The following CCNY variants were observed in gnomAD, a reference collection of about 807,000 sequenced individuals.
CCNY encodes the protein cyclin Y, also known as cyclin-Y.
CCNY carries 19 observed loss-of-function variants against 42.8 expected under a neutral mutation model. That is an observed-to-expected ratio of 0.44 (90% CI 0.31 to 0.65). The LOEUF (loss-of-function observed/expected upper bound fraction) is 0.65, where lower values mean the gene tolerates loss of function less well. Ranked by LOEUF, CCNY falls within the 30% of genes least tolerant of loss-of-function variation. The pLI, the probability that CCNY is intolerant of heterozygous loss-of-function variation, is 0.07. For missense variants in CCNY, 370 were observed against 437.3 expected (o/e 0.85, Z 1.37); for synonymous variants, 165 against 162.7 (o/e 1.01, Z -0.11).
At chr10:35,386,645 A>T (rs929295217) in intron 1 of CCNY, among the ~76,000 whole-genome samples, 1 of 152,204 alleles carries the variant, frequency 6.6e-6, no homozygotes, top group East Asian at 1.9e-4. Flanking sequence ...GTGTGAGCTC[A>T]TCTTGCAGTG....
chr10:35,411,802 C>T (rs1462958114), intron 1 of CCNY, among the ~76,000 whole-genome samples: 1 of 152,212 alleles, frequency 6.6e-6, no homozygotes, highest in Non-Finnish European at 1.5e-5. Context: ...GCAGTTCTAG[C>T]ACCACATTTG....
intron 1 of CCNY, among the ~76,000 whole-genome samples, chr10:35,386,927 C>G (rs1589081257): frequency 6.6e-6 from 1 of 151,956 alleles, no homozygotes; most frequent in African/African-American, 2.4e-5. Flanking sequence ...TGGCAGTGGC[C>G]CAAATGCAGT....
In CCNY at chr10:35,569,157, C is replaced by A; in HGVS notation, c.1013C>A (p.Ala338Asp). ...CTGACTCTGCCCCGGTGGTCCCCAG[C>A]CATCATCTCTTAACTACGGAGGCCC... ...DNLTLPRWSP[A>D]IIS The change falls in exon 10 of 10, where the codon GCC (alanine) becomes GAC (aspartate). Residue 338 changes from alanine (A) to aspartate (D), a missense_variant. By Grantham distance (126) the Ala-to-Asp change is moderately radical. Coordinates refer to ENST00000374704, the MANE Select transcript of CCNY (RefSeq NM_145012.6). 6.2e-7 allele frequency: 1 copy of A among 1,607,280 alleles called. No individual in the cohort carries two copies. Among genetic ancestry groups the A allele is most frequent in the Non-Finnish European group, 8.5e-7 (1 of 1,175,584 alleles).
intron 1 of CCNY, among the ~76,000 whole-genome samples, chr10:35,480,569 A>G (rs1038755868): frequency 6.6e-5 from 10 of 152,206 alleles, no homozygotes; most frequent in Non-Finnish European, 2.9e-5. Context: ...GGAGAGCTTC[A>G]GGGCATCTTC....
chr10:35,504,625 TTTG>T (rs376566765), intron 3 of CCNY, among the ~76,000 whole-genome samples: 26 of 151,990 alleles, frequency 1.7e-4, no homozygotes, highest in Middle Eastern at 3.4e-3. Flanking sequence ...TAGGAAGGTT[TTTG>T]TTGTTGTTGT....
Position 35,464,992 on chromosome 10 carries a change from C to T in CCNY, c.155-18412C>T, listed in dbSNP as rs184490835. 3.1e-3 allele frequency among the ~76,000 whole-genome samples: 477 copies of T among 152,226 alleles called. 17 individuals carry two copies. The highest frequency in any genetic ancestry group is 0.028 in the Admixed American group (421 of 15,294). On this transcript the variant is annotated intron_variant, in intron 1 of 9. Coordinates refer to ENST00000374704, the MANE Select transcript of CCNY (RefSeq NM_145012.6). ...TCAGCAATCCAAGTGGTATTTTTCC[C>T]GTTCCATTGATAGTGCTAATTCATG...
At chr10:35,479,900 A>C (rs1228089535) in intron 1 of CCNY, among the ~76,000 whole-genome samples, 1 of 152,070 alleles carries the variant, frequency 6.6e-6, no homozygotes, top group Non-Finnish European at 1.5e-5. Flanking sequence ...TTCATGGCTA[A>C]AATTGCAGTG....
chr10:35,392,043 CATT>C (rs1335793127), intron 1 of CCNY, among the ~76,000 whole-genome samples: 11 of 152,090 alleles, frequency 7.2e-5, no homozygotes, highest in Middle Eastern at 3.4e-3. Context: ...CATTTTATGT[CATT>C]ATAAAAGGAA....
At chr10:35,557,589 CTACTAAAAA>C (rs1841385019) in intron 8 of CCNY, among the ~76,000 whole-genome samples, 1 of 149,980 alleles carries the variant, frequency 6.7e-6, no homozygotes, top group Non-Finnish European at 1.5e-5. Flanking sequence ...AATGCCATCT[CTACTAAAAA>C]TACAAAAATT....
chr10:35,397,350 A>G (rs1178825431), intron 1 of CCNY, among the ~76,000 whole-genome samples: 2 of 152,230 alleles, frequency 1.3e-5, no homozygotes, highest in East Asian at 3.8e-4. Flanking sequence ...CCTAACCTTT[A>G]TAATTATTCA....
At chr10:35,289,367 C>G (rs1349639367) in intron 3 of CCNY, 1 of 152,136 alleles carries the variant, frequency 6.6e-6, no homozygotes, top group Non-Finnish European at 1.5e-5. Context: ...GTAAGCCTTT[C>G]TTTTTCTTCT....
At chr10:35,398,284 G>A (rs144526427) in intron 1 of CCNY, among the ~76,000 whole-genome samples, 34 of 152,354 alleles carry the variant, frequency 2.2e-4, no homozygotes, top group African/African-American at 7.9e-4. Context: ...GAGGACTGAT[G>A]CATTTTGCCA....
At chr10:35,414,171 G>A (rs1484789197) in intron 1 of CCNY, among the ~76,000 whole-genome samples, 1 of 152,234 alleles carries the variant, frequency 6.6e-6, no homozygotes, top group East Asian at 1.9e-4. Context: ...TGGGGCATGA[G>A]TCGGAGCATG....
intron 7 of CCNY, among the ~76,000 whole-genome samples, chr10:35,538,540 T>C (rs1011015586): frequency 2.0e-5 from 3 of 152,230 alleles, no homozygotes; most frequent in African/African-American, 7.2e-5. Flanking sequence ...GGTCATTGTT[T>C]TTATTTGCAT....
chr10:35,293,988 C>T (rs1835444222), intron 3 of CCNY, among the ~76,000 whole-genome samples: 1 of 152,060 alleles, frequency 6.6e-6, no homozygotes, highest in Non-Finnish European at 1.5e-5. Flanking sequence ...CAGGCTTTCA[C>T]CATGTTGGTC....
intron 3 of CCNY, among the ~76,000 whole-genome samples, chr10:35,319,411 A>G (rs1418055037): frequency 6.6e-6 from 1 of 152,214 alleles, no homozygotes; most frequent in Non-Finnish European, 1.5e-5. Flanking sequence ...ACAAACAATA[A>G]GAGCAAGCAG....
At chr10:35,466,609 G>A (rs185683297) in intron 1 of CCNY, among the ~76,000 whole-genome samples, 6 of 152,244 alleles carry the variant, frequency 3.9e-5, no homozygotes, top group East Asian at 1.9e-4. Context: ...TGTTGCTCCC[G>A]CTGTCCCTCA....
At chr10:35,355,617 G>T (rs565325261) in intron 1 of CCNY, among the ~76,000 whole-genome samples, 1 of 127,532 alleles carries the variant, frequency 7.8e-6, no homozygotes, top group East Asian at 2.6e-4. Flanking sequence ...GGCAGAGGTT[G>T]CAGTGAGCCA....
At chr10:35,298,967 T>C (rs1564361800) in intron 3 of CCNY, among the ~76,000 whole-genome samples, 1 of 152,248 alleles carries the variant, frequency 6.6e-6, no homozygotes. Flanking sequence ...ATGTTTTCAT[T>C]CTTCTTAGGT....
Sources: gnomAD v4.1 joint callset for allele counts (sites outside exome capture counted in the v4.1 genomes callset) on GRCh38, gnomAD v4.1.1 for gene constraint, MANE v1.5 for transcripts, NCBI Gene and HGNC (gene_info 2026-07-23, HGNC 2026-07-21) for gene names.